ADGRL4: variants seen among roughly 807,000 people sequenced by gnomAD.
ADGRL4 encodes the protein EGF, latrophilin and seven transmembrane domain containing 1.
In ADGRL4, 90 loss-of-function variants were observed where a neutral mutation model predicts 74.8. The ratio of observed to expected loss-of-function variants is 1.20; its 90% CI spans 1.02 to 1.43. The LOEUF (loss-of-function observed/expected upper bound fraction) is 1.43, where lower values mean the gene tolerates loss of function less well. ADGRL4 is among the 40% of genes most tolerant of loss of function. The pLI, the probability that ADGRL4 is intolerant of heterozygous loss-of-function variation, is 0.00. For synonymous variants in ADGRL4, 311 were observed against 279.2 expected (o/e 1.11, Z -1.14); for missense variants, 881 against 814.3 (o/e 1.08, Z -1.00).
intron 2 of ADGRL4, among the ~76,000 whole-genome samples, chr1:78,952,130 T>C (rs150924039): frequency 2.0e-5 from 3 of 152,094 alleles, no homozygotes; most frequent in Admixed American, 1.3e-4. Flanking sequence ...ACTTGAGATA[T>C]TATTGGCCGG....
rs1377591633 is a variant in ADGRL4 at position 78,935,939 on chromosome 1, C to A, written c.877+356G>T. ...GAGATCGAGACCATCCTGGCTAACA[C>A]GGTGAAACCCCGTCTCTACTAAAAA... On this transcript the variant is annotated intron_variant, in intron 7 of 14. Coordinates refer to ENST00000370742, the MANE Select transcript of ADGRL4 (RefSeq NM_022159.4). 5.3e-5 allele frequency among the ~76,000 whole-genome samples: 2 copies of A among 37,744 alleles called. 1 individual carries two copies. Among genetic ancestry groups the A allele is most frequent in the East Asian group, 2.0e-3 (2 of 986 alleles). The allele number at this position is 37,744 out of a possible 152,430, so 24.8% of individuals were successfully genotyped here.
intron 2 of ADGRL4, among the ~76,000 whole-genome samples, chr1:78,999,170 A>T (rs747664008): frequency 6.6e-6 from 1 of 152,200 alleles, no homozygotes; most frequent in African/African-American, 2.4e-5. Flanking sequence ...GGGACTATAG[A>T]CAACTGACAT....
At chr1:78,979,325 C>T (rs1650353764) in intron 2 of ADGRL4, among the ~76,000 whole-genome samples, 1 of 151,886 alleles carries the variant, frequency 6.6e-6, no homozygotes, top group South Asian at 2.1e-4. Context: ...AAATCCCTTC[C>T]TGATTCAGCA....
At chr1:78,929,372 C>A (rs4291458) in intron 7 of ADGRL4, among the ~76,000 whole-genome samples, 91,283 of 150,756 alleles carry the variant, frequency 0.61, 28,405 homozygotes, top group East Asian at 0.7. Flanking sequence ...ATAATTAGCC[C>A]AGCATGGTGG....
In ADGRL4 at chr1:78,902,774, T is replaced by C. The variant is rs929250607; in HGVS notation, c.1750-9585A>G. 2.6e-5 allele frequency among the ~76,000 whole-genome samples: 4 copies of C among 152,164 alleles called. No homozygotes were observed. In the South Asian group the frequency reaches 6.2e-4, roughly 24 times the overall value. Reference sequence around the variant, plus strand: ...CATTAGTGTTCATCCAAATTAGTCATGATACCAGTGATGAAGGCCTTGTTA... The same window carrying C: ...CATTAGTGTTCATCCAAATTAGTCACGATACCAGTGATGAAGGCCTTGTTA... On this transcript the variant is annotated intron_variant, in intron 12 of 14. Coordinates refer to ENST00000370742, the MANE Select transcript of ADGRL4 (RefSeq NM_022159.4).
chr1:79,005,302 A>G lies in ADGRL4; in HGVS notation c.23-83T>C, dbSNP rs1650936172. 2.2e-5 allele frequency: 23 copies of G among 1,067,376 alleles called. No homozygotes were observed. The South Asian group carries it at 4.0e-4, about 19-fold the overall frequency. 66.1% of individuals were successfully genotyped at this position (1,067,376 alleles called of 1,614,324 possible). ...TGTTGAATTAGAGTATAATAAACAT[A>G]AATTATCCTCTCTTTCTATTTAGAT... On this transcript the variant is annotated intron_variant, in intron 1 of 14. Transcript: ENST00000370742.
chr1:78,910,619 G>A (rs1648742129), intron 12 of ADGRL4, among the ~76,000 whole-genome samples: 1 of 151,722 alleles, frequency 6.6e-6, no homozygotes, highest in African/African-American at 2.4e-5. Context: ...TTATAGTTGT[G>A]TACTTGAATC....
intron 2 of ADGRL4, among the ~76,000 whole-genome samples, chr1:78,958,215 A>G (rs1450742908): frequency 2.6e-5 from 4 of 152,190 alleles, no homozygotes; most frequent in African/African-American, 9.6e-5. Context: ...GGTTGTTTTC[A>G]TGCCTGCAAA....
chr1:78,999,838 A>ACC (rs201282766), intron 2 of ADGRL4, among the ~76,000 whole-genome samples: 3,383 of 126,358 alleles, frequency 0.027, 49 homozygotes, highest in African/African-American at 0.035. Flanking sequence ...CTATCTATCT[A>ACC]TCTACCTACC....
intron 10 of ADGRL4, 73 bp downstream of exon 10, chr1:78,920,110 G>A: frequency 2.7e-6 from 3 of 1,115,652 alleles, no homozygotes; most frequent in Non-Finnish European, 3.8e-6. Context: ...TACAAATAAT[G>A]TTTCTAGGAC....
At chr1:78,995,839 TA>T (rs1463903219) in intron 2 of ADGRL4, among the ~76,000 whole-genome samples, 2 of 152,160 alleles carry the variant, frequency 1.3e-5, no homozygotes, top group Non-Finnish European at 2.9e-5. Context: ...AGGACAGGGA[TA>T]AAATATACAT....
chr1:78,893,887 T>C (rs1375304903), intron 12 of ADGRL4, among the ~76,000 whole-genome samples: 1 of 151,872 alleles, frequency 6.6e-6, no homozygotes, highest in Non-Finnish European at 1.5e-5. Flanking sequence ...TTATGAAAAG[T>C]TGCCTCTTAT....
intron 2 of ADGRL4, among the ~76,000 whole-genome samples, chr1:79,001,017 T>C (rs1234670233): frequency 6.6e-6 from 1 of 152,076 alleles, no homozygotes; most frequent in Non-Finnish European, 1.5e-5. Flanking sequence ...TCGTGAGATA[T>C]ATACTTGTAA....
At chr1:78,911,875 T>G (rs142992408) in intron 12 of ADGRL4, among the ~76,000 whole-genome samples, 1 of 151,928 alleles carries the variant, frequency 6.6e-6, no homozygotes. Flanking sequence ...TAACTTCATC[T>G]GCATATTAGG....
intron 2 of ADGRL4, among the ~76,000 whole-genome samples, chr1:78,986,869 G>T (rs1396104989): frequency 6.6e-6 from 1 of 151,650 alleles, no homozygotes; most frequent in African/African-American, 2.4e-5. Flanking sequence ...ATGTATCTTG[G>T]ATAAAAGATT....
At chr1:78,906,466 T>C (rs1477445490) in intron 12 of ADGRL4, among the ~76,000 whole-genome samples, 1 of 151,880 alleles carries the variant, frequency 6.6e-6, no homozygotes, top group East Asian at 1.9e-4. Context: ...CGGGAGTAAG[T>C]GAGCTACATG....
At chr1:78,998,364 T>A (rs1650763977) in intron 2 of ADGRL4, among the ~76,000 whole-genome samples, 1 of 26,718 alleles carries the variant, frequency 3.7e-5, no homozygotes, top group Non-Finnish European at 8.5e-5. Context: ...CACTGATTCT[T>A]TTTTTTTTTT....
chr1:78,951,417 A>G (rs998656648), intron 2 of ADGRL4, among the ~76,000 whole-genome samples: 1 of 152,134 alleles, frequency 6.6e-6, no homozygotes, highest in African/African-American at 2.4e-5. Context: ...GTTCAGCCCA[A>G]CTTGCCAGTA....
chr1:78,893,320 TA>T, intron 12 of ADGRL4, 131 bp from the exon 13 acceptor site: 1 of 642,586 alleles, frequency 1.6e-6, no homozygotes, highest in Middle Eastern at 4.0e-4. Context: ...TTCTTTACAA[TA>T]TCACTGAAAA....
Sources: allele counts gnomAD v4.1 joint callset (sites outside exome capture counted in the v4.1 genomes callset), GRCh38; gene constraint gnomAD v4.1.1; transcripts MANE v1.5; gene names NCBI Gene and HGNC (gene_info 2026-07-23, HGNC 2026-07-21).